The following CPSF2 variants were observed in gnomAD, a reference collection of about 807,000 sequenced individuals.
CPSF2 encodes cleavage and polyadenylation specificity factor subunit 2.
In CPSF2, 51 loss-of-function variants were observed where a neutral mutation model predicts 84.2. The ratio of observed to expected loss-of-function variants is 0.61; its 90% confidence interval spans 0.48 to 0.77. The LOEUF is 0.77. Among genes scored for constraint, CPSF2 ranks in the 30% least tolerant of loss-of-function variants. The pLI is 0.00. For missense variants in CPSF2, 641 were observed against 929.4 expected, an observed-to-expected ratio of 0.69 and a Z score of 4.03; for synonymous variants, 286 against 311.9, an observed-to-expected ratio of 0.92 and a Z score of 0.87.
At chr14:92,123,926 C>T in intron 1 of CPSF2, among the ~76,000 whole-genome samples, 1 of 152,138 alleles carries the variant, frequency 6.6e-6, no homozygotes. Context: ...ACTTTATGTG[C>T]CTCCTTTATA....
At chr14:92,131,663 A>C (rs1199422129) in intron 3 of CPSF2, among the ~76,000 whole-genome samples, 2 of 151,966 alleles carry the variant, frequency 1.3e-5, no homozygotes, top group African/African-American at 4.8e-5. Flanking sequence ...ACATGGTGAA[A>C]CTCCAACTCT....
At chr14:92,152,734 C>T (rs1252986103) in intron 9 of CPSF2, among the ~76,000 whole-genome samples, 1 of 152,160 alleles carries the variant, frequency 6.6e-6, no homozygotes, top group East Asian at 1.9e-4. Flanking sequence ...CCACCATGCC[C>T]TGCTGGTTTT....
Position 92,155,149 on chromosome 14 carries a change from G to T in CPSF2, c.1268G>T (p.Ser423Ile). Residue 423 changes from serine (S) to isoleucine (I), a missense_variant, in exon 11 of 16, where the codon AGT (serine) becomes ATT (isoleucine). Physicochemically the swap from Ser to Ile is moderately radical, Grantham distance 142 (BLOSUM62 -2). This residue lies in a region of CPSF2 where 430 missense variants were observed against 553.6 expected (regional missense o/e 0.78). Coordinates refer to ENST00000298875, the MANE Select transcript of CPSF2 (RefSeq NM_017437.3). ...KEADIDSSDE[S>I]DIEEDIDQPS... ...GCAGATATAGATTCCAGTGATGAGA[G>T]TGATATTGAGGAAGATATTGACCAG... 6.2e-7 allele frequency: 1 copy of T among 1,613,686 alleles called. No individual in the cohort carries two copies. The highest frequency in any genetic ancestry group is 8.5e-7 in the Non-Finnish European group (1 of 1,179,640).
At chr14:92,139,973 G>A (rs868731954) in intron 7 of CPSF2, among the ~76,000 whole-genome samples, 1 of 13,606 alleles carries the variant, frequency 7.3e-5, no homozygotes, top group African/African-American at 3.7e-4. Flanking sequence ...TTTTTTTTTT[G>A]AGATGGAGTC....
At chr14:92,144,220 TC>T (rs2069116509) in intron 9 of CPSF2, among the ~76,000 whole-genome samples, 1 of 152,226 alleles carries the variant, frequency 6.6e-6, no homozygotes, top group African/African-American at 2.4e-5. Flanking sequence ...CCACTTGTGT[TC>T]AGGACTTTAT....
At chr14:92,136,307 T>G (rs2068998256) in intron 6 of CPSF2, among the ~76,000 whole-genome samples, 1 of 152,158 alleles carries the variant, frequency 6.6e-6, no homozygotes, top group African/African-American at 2.4e-5. Context: ...AACCATAGAT[T>G]AATGAGGAAA....
In CPSF2 at chr14:92,161,654, G is replaced by T; in HGVS notation, c.2259G>T (p.Thr753=). The part of the protein sequence containing the change: ...VCNNQVAVRR[T]ETGRIGLEGC... The stretch of plus-strand genomic sequence containing the variant: ...AATTTTTTTTATTTGGTTTCTAGAC[G>T]GAAACTGGACGCATTGGATTAGAAG... The change falls in exon 16 of 16, where the codon ACG becomes ACT. Residue 753 remains threonine (T), a splice_region_variant and synonymous_variant. Transcript: ENST00000298875. 3 of 1,576,106 alleles carry T rather than the reference G, an allele frequency of 1.9e-6. No homozygotes were observed. The highest frequency in any genetic ancestry group is 1.2e-5 in the South Asian group (1 of 83,950).
At chr14:92,152,991 CT>C (rs139202280) in intron 9 of CPSF2, among the ~76,000 whole-genome samples, 4 of 148,478 alleles carry the variant, frequency 2.7e-5, no homozygotes, top group African/African-American at 7.4e-5. Context: ...TACGAATGTA[CT>C]TTTTTTTTAC....
intron 9 of CPSF2, among the ~76,000 whole-genome samples, chr14:92,152,199 G>A (rs530365733): frequency 1.3e-5 from 2 of 151,856 alleles, no homozygotes; most frequent in East Asian, 1.9e-4. Flanking sequence ...GTGCCATCTC[G>A]GCTCACTGCA....
intron 7 of CPSF2, among the ~76,000 whole-genome samples, chr14:92,138,981 G>C (rs954949437): frequency 2.0e-5 from 3 of 152,136 alleles, no homozygotes; most frequent in Non-Finnish European, 2.9e-5. Flanking sequence ...AAACTTAGCT[G>C]GTTTGAATTT....
intron 1 of CPSF2, among the ~76,000 whole-genome samples, chr14:92,124,207 G>C (rs2068816783): frequency 6.6e-6 from 1 of 152,196 alleles, no homozygotes; most frequent in Non-Finnish European, 1.5e-5. Context: ...TTCCAATAGG[G>C]AGTTTAGATT....
chr14:92,142,288 T>C lies in CPSF2; in HGVS notation c.786T>C (p.Gly262=). ...GGAGGACTAAAGATGCAGGATTGGG[T>C]GTTTACTCATTGGCACTCCTAAATA... The part of the protein sequence containing the change: ...QIWRTKDAGL[G]VYSLALLNNV... Residue 262 remains glycine, a synonymous_variant, in exon 8 of 16, where the codon GGT becomes GGC. Coordinates refer to ENST00000298875, the MANE Select transcript of CPSF2 (RefSeq NM_017437.3). The C allele has an allele frequency of 6.2e-7, 1 of 1,614,092 alleles. No individual in the cohort carries two copies. The highest frequency in any genetic ancestry group is 8.5e-7 in the Non-Finnish European group (1 of 1,179,956).
At chr14:92,122,516 G>A (rs1596119277) in intron 1 of CPSF2, among the ~76,000 whole-genome samples, 1 of 152,238 alleles carries the variant, frequency 6.6e-6, no homozygotes, top group Non-Finnish European at 1.5e-5. Flanking sequence ...GTCGTTTTGG[G>A]TTGAGAGACC....
At chr14:92,148,762 G>C (rs1397540474) in intron 9 of CPSF2, among the ~76,000 whole-genome samples, 1 of 140,510 alleles carries the variant, frequency 7.1e-6, no homozygotes, top group Non-Finnish European at 1.5e-5. Flanking sequence ...ATATAGCAAG[G>C]CCTCTTCTCA....
intron 9 of CPSF2, among the ~76,000 whole-genome samples, chr14:92,150,837 C>A (rs1020668074): frequency 6.6e-6 from 1 of 152,138 alleles, no homozygotes; most frequent in African/African-American, 2.4e-5. Flanking sequence ...AAACAATTGA[C>A]AGCATTTGTT....
intron 2 of CPSF2, among the ~76,000 whole-genome samples, chr14:92,128,692 A>G (rs2068874769): frequency 6.6e-6 from 1 of 152,232 alleles, no homozygotes; most frequent in Non-Finnish European, 1.5e-5. Flanking sequence ...GGTCATGGAT[A>G]GGGAAAAAGT....
At position 92,167,900 on chromosome 14, in the gene CPSF2, T is replaced by TTG. The variant is rs941186499; in HGVS notation, c.*6157_*6158insGT. ...TGAGAGGTTAATTGCAGGTTTTTTT[T>TTG]TTTTTTTTTTCTGGTAACCATAGAA... On this transcript the variant is annotated 3_prime_UTR_variant, in exon 16 of 16. Transcript: ENST00000298875. 5.9e-5 allele frequency: 9 copies of TTG among 151,458 alleles called. No homozygotes were observed. The highest frequency in any genetic ancestry group is 2.2e-4 in the African/African-American group (9 of 41,102). 9.4% of individuals were successfully genotyped at this position (151,458 alleles called of 1,614,324 possible). A position where few individuals can be genotyped will look rare whatever the true frequency, so the allele number is the denominator to read the frequency against.
In CPSF2 at chr14:92,155,317, T is replaced by C; in HGVS notation, c.1436T>C (p.Ile479Thr). The C allele has an allele frequency of 6.2e-6, 10 of 1,612,784 alleles. No homozygotes were observed. The highest frequency in any genetic ancestry group is 8.5e-6 in the Non-Finnish European group (10 of 1,178,818). The change falls in exon 11 of 16, where the codon ATT becomes ACT. Residue 479 changes from isoleucine to threonine, a missense_variant. Physicochemically the swap from Ile to Thr is moderately conservative, Grantham distance 89 (BLOSUM62 -1). Around this residue, in one of 2 missense-constraint regions of CPSF2, gnomAD observed 430 missense variants for 553.6 expected, o/e 0.78. Transcript: ENST00000298875. ...ERIKWDEYGEIIKPEDFLVPE... is the reference protein window; with the variant it reads ...ERIKWDEYGETIKPEDFLVPE... ...ATTAAATGGGATGAATATGGAGAGATTATCAAGTATGTGAGCAAAACAAAC... is the reference window on the plus strand; with the variant it reads ...ATTAAATGGGATGAATATGGAGAGACTATCAAGTATGTGAGCAAAACAAAC...
At position 92,122,066 on chromosome 14, in the gene CPSF2, T is replaced by C; in HGVS notation, c.-156T>C. On this transcript the variant is annotated 5_prime_UTR_variant, in exon 1 of 16. Coordinates refer to ENST00000298875, the MANE Select transcript of CPSF2 (RefSeq NM_017437.3). Reference sequence around the variant, plus strand: ...ACCCAGCATCGGCTTTTCTACGTCTTGAACCTGGATTCGCCTAGGGGTTGG... The same window carrying C: ...ACCCAGCATCGGCTTTTCTACGTCTCGAACCTGGATTCGCCTAGGGGTTGG... 1 of 523,986 alleles carries C rather than the reference T, an allele frequency of 1.9e-6. No homozygotes were observed. Among genetic ancestry groups the C allele is most frequent in the Non-Finnish European group, 3.4e-6 (1 of 291,602 alleles). 32.5% of individuals were successfully genotyped at this position (523,986 alleles called of 1,614,324 possible).
Sources: allele counts gnomAD v4.1 joint callset (sites outside exome capture counted in the v4.1 genomes callset), GRCh38; gene constraint gnomAD v4.1.1; regional missense constraint gnomAD v4.1.1; transcripts MANE v1.5; gene names NCBI Gene and HGNC (gene_info 2026-07-23, HGNC 2026-07-21).